The following NFATC2 variants were observed in gnomAD, a reference collection of about 807,000 sequenced individuals.
The protein encoded by NFATC2 is nuclear factor of activated T cells 2, also known as nuclear factor of activated T-cells, cytoplasmic 2.
A neutral mutation model predicts 87.3 loss-of-function variants in NFATC2; 22 were observed. The observed-to-expected ratio is 0.25, with a 90% CI of 0.18 to 0.36. The LOEUF (loss-of-function observed/expected upper bound fraction) is 0.36. Ranked by LOEUF, NFATC2 falls within the 10% of genes least tolerant of loss-of-function variation. The pLI is 1.00. For missense variants in NFATC2, 1,149 were observed against 1,259.1 expected (o/e 0.91, Z 1.32); for synonymous variants, 565 against 542.2 (o/e 1.04, Z -0.58).
At chr20:51,441,576 G>T (rs1302580555) in intron 6 of NFATC2, among the ~76,000 whole-genome samples, 1 of 151,658 alleles carries the variant, frequency 6.6e-6, no homozygotes, top group Non-Finnish European at 1.5e-5. Context: ...AATTAGCTGG[G>T]CGTGGTAGTG....
intron 3 of NFATC2, among the ~76,000 whole-genome samples, chr20:51,513,690 C>G (rs1600915730): frequency 6.6e-6 from 1 of 152,208 alleles, no homozygotes; most frequent in Admixed American, 6.5e-5. Context: ...TCATGCAGCC[C>G]AACCTCCAGG....
At chr20:51,473,178 T>C (rs1209023392) in intron 5 of NFATC2, among the ~76,000 whole-genome samples, 1 of 152,176 alleles carries the variant, frequency 6.6e-6, no homozygotes, top group Non-Finnish European at 1.5e-5. Context: ...CCGAAAATCT[T>C]CTGCAATGAT....
In NFATC2 at chr20:51,542,354, G is replaced by A. The variant is rs570178410; in HGVS notation, c.130+16C>T. On this transcript the variant is annotated intron_variant, in intron 1 of 10. Transcript: ENST00000371564. ...TGGCGGGCTCAGGGGCCAGGCCAGG[G>A]GTAGCCTCCACCGACCTTCGTTCGG... The A allele has an allele frequency of 5.6e-6, 9 of 1,603,226 alleles. No homozygotes were observed. The highest frequency in any genetic ancestry group is 2.7e-5 in the African/African-American group (2 of 73,476).
chr20:51,399,255 A>AAGCTCCTGCCCTATCAGAACAACG (rs1987713071), intron 9 of NFATC2: 1 of 154,132 alleles, frequency 6.5e-6, no homozygotes, highest in Non-Finnish European at 1.4e-5. Flanking sequence ...ATGGAAAAAA[A>AAGCTCCTGCCCTATCAGAACAACG]AGCTCCTGCC....
intron 3 of NFATC2, among the ~76,000 whole-genome samples, chr20:51,492,258 C>T (rs1036542995): frequency 2.0e-5 from 3 of 151,732 alleles, no homozygotes; most frequent in Non-Finnish European, 2.9e-5. Flanking sequence ...AGCCTCCACC[C>T]GCTGGCACCA....
intron 1 of NFATC2, among the ~76,000 whole-genome samples, chr20:51,533,754 A>C (rs1013913453): frequency 1.3e-5 from 2 of 152,246 alleles, no homozygotes; most frequent in Non-Finnish European, 2.9e-5. Context: ...ACAAGCAATG[A>C]GGCTTGCAGA....
At chr20:51,456,389 C>T (rs1488063492) in intron 5 of NFATC2, among the ~76,000 whole-genome samples, 1 of 152,114 alleles carries the variant, frequency 6.6e-6, no homozygotes, top group African/African-American at 2.4e-5. Flanking sequence ...GTAAAGTCAC[C>T]GCTTGGCCAA....
intron 3 of NFATC2, among the ~76,000 whole-genome samples, chr20:51,515,542 C>A (rs1165794221): frequency 6.6e-6 from 1 of 152,194 alleles, no homozygotes; most frequent in East Asian, 1.9e-4. Flanking sequence ...AGAATGTCTA[C>A]CACATCCAGT....
At chr20:51,527,597 C>T (rs1441004722) in intron 1 of NFATC2, among the ~76,000 whole-genome samples, 1 of 152,168 alleles carries the variant, frequency 6.6e-6, no homozygotes, top group Non-Finnish European at 1.5e-5. Flanking sequence ...ACTAAACAGG[C>T]CCTCAGAAAG....
At chr20:51,549,891 T>A (rs2076918774) in intron 1 of NFATC2, among the ~76,000 whole-genome samples, 1 of 152,242 alleles carries the variant, frequency 6.6e-6, no homozygotes, top group Non-Finnish European at 1.5e-5. Context: ...TGACATTTTT[T>A]AAATTCTGAA....
rs1555866575 is a variant in NFATC2, at chr20:51,398,764, A to AAGATTTGCAAAATCATTTTTGAGAAG, written c.2723-35_2723-34insCTTCTCAAAAATGATTTTGCAAATCT. 5 of 443,290 alleles carry AAGATTTGCAAAATCATTTTTGAGAAG rather than the reference A, an allele frequency of 1.1e-5. No homozygotes were observed. The African/African-American group carries it at 3.7e-4, about 33-fold the overall frequency. The allele number at this position is 443,290 out of a possible 1,614,324, so 27.5% of individuals were successfully genotyped here. On this transcript the variant is annotated intron_variant, in intron 9 of 10. Transcript: ENST00000371564. The stretch of plus-strand genomic sequence containing the variant: ...GATTTGCAAAATCATTTTTGAGAAG[A>AAGATTTGCAAAATCATTTTTGAGAAG]AAAAAAAAAATCACCTTTGATCTCT...
intron 1 of NFATC2, among the ~76,000 whole-genome samples, chr20:51,535,742 G>A (rs2076709609): frequency 6.6e-6 from 1 of 152,134 alleles, no homozygotes; most frequent in Admixed American, 6.5e-5. Context: ...TTCAGACTTG[G>A]GGTTTTTTTT....
chr20:51,405,583 C>T (rs150425742), intron 9 of NFATC2, among the ~76,000 whole-genome samples: 1 of 152,312 alleles, frequency 6.6e-6, no homozygotes, highest in Non-Finnish European at 1.5e-5. Context: ...TAGCATGAAT[C>T]AGATCACAGA....
intron 1 of NFATC2, among the ~76,000 whole-genome samples, chr20:51,537,908 A>C (rs774791050): frequency 3.9e-4 from 59 of 152,182 alleles, no homozygotes; most frequent in Non-Finnish European, 4.9e-4. Flanking sequence ...AAAATGGATA[A>C]TTTCCCAGAA....
intron 8 of NFATC2, among the ~76,000 whole-genome samples, chr20:51,434,014 C>T (rs912557677): frequency 4.6e-5 from 7 of 152,318 alleles, no homozygotes; most frequent in Middle Eastern, 3.4e-3. Context: ...TATCTGAGAG[C>T]ATGTCTGCTC....
rs373733415 is a variant in NFATC2 at position 51,411,767 on chromosome 20, A to T, written c.2723-13037T>A. Among the ~76,000 whole-genome samples the T allele has an allele frequency of 5.9e-5, 9 of 152,186 alleles. No homozygotes were observed. In the South Asian group the frequency reaches 8.3e-4, roughly 14 times the overall value. On this transcript the variant is annotated intron_variant, in intron 9 of 10. Coordinates refer to ENST00000371564, the MANE Select transcript of NFATC2 (RefSeq NM_012340.5). The stretch of plus-strand genomic sequence containing the variant: ...GGTCTTGCACTCCTGACCTCAAGTG[A>T]TCCACCTGCCTTGGCCTCCCAAAGT...
chr20:51,427,317 C>T (rs556197528), intron 9 of NFATC2, among the ~76,000 whole-genome samples: 1 of 152,272 alleles, frequency 6.6e-6, no homozygotes, highest in East Asian at 1.9e-4. Flanking sequence ...CTTTCCCCAG[C>T]GCCTCTCCCG....
chr20:51,486,530 TG>T (rs776992143), intron 3 of NFATC2, among the ~76,000 whole-genome samples: 1 of 152,088 alleles, frequency 6.6e-6, no homozygotes, highest in Non-Finnish European at 1.5e-5. Context: ...CATGTCTTCC[TG>T]TTTATTTCCT....
chr20:51,538,757 G>T (rs1018301099), intron 1 of NFATC2, among the ~76,000 whole-genome samples: 19 of 152,194 alleles, frequency 1.2e-4, no homozygotes, highest in Admixed American at 1.2e-3. Context: ...ATTTAAATGG[G>T]TTAACCTATT....
Sources: gnomAD v4.1 joint callset for allele counts (sites outside exome capture counted in the v4.1 genomes callset) on GRCh38, gnomAD v4.1.1 for gene constraint, MANE v1.5 for transcripts, NCBI Gene and HGNC (gene_info 2026-07-23, HGNC 2026-07-21) for gene names.